Variants in TMEM185A observed in about 807,000 individuals in gnomAD.
TMEM185A encodes family with sequence similarity 11, member A.
In TMEM185A, 9 loss-of-function variants were observed where a neutral mutation model predicts 25.0. The ratio of observed to expected loss-of-function variants is 0.36; its 90% confidence interval spans 0.22 to 0.63. The LOEUF is 0.63. Ranked by LOEUF, TMEM185A falls within the 20% of genes least tolerant of loss-of-function variation. The probability of loss-of-function intolerance (pLI) is 0.68; values close to 1 mark genes in which losing one functional copy is unlikely to be tolerated. For synonymous variants in TMEM185A, 45 were observed against 93.5 expected (o/e 0.48, Z 2.99); for missense variants, 103 against 237.4 (o/e 0.43, Z 3.72).
intron 1 of TMEM185A, among the ~76,000 whole-genome samples, chrX:149,622,155 C>G (rs782775927): frequency 5.4e-4 from 61 of 112,076 alleles, no homozygotes; most frequent in Non-Finnish European, 8.1e-4. Context: ...AGGTTTAGCA[C>G]GCCTGGATGA....
At chrX:149,607,957 G>GA (rs2090061124) in intron 3 of TMEM185A, among the ~76,000 whole-genome samples, 1 of 111,830 alleles carries the variant, frequency 8.9e-6, no homozygotes, top group African/African-American at 3.3e-5. Context: ...TCCTGGAGAG[G>GA]AAAAAATTCT....
At chrX:149,605,824 G>T (rs1361254495) in intron 3 of TMEM185A, among the ~76,000 whole-genome samples, 1 of 111,592 alleles carries the variant, frequency 9.0e-6, no homozygotes, top group Non-Finnish European at 1.9e-5. Context: ...CAGCCCAAAC[G>T]CCCTGCAGGC....
At chrX:149,618,337 A>C (rs1406476416) in intron 1 of TMEM185A, among the ~76,000 whole-genome samples, 6 of 111,203 alleles carry the variant, frequency 5.4e-5, no homozygotes, top group Admixed American at 1.9e-4. Context: ...AGAAGACTGG[A>C]CCTACAAAAT....
At chrX:149,619,377 C>A (rs1023349394) in intron 1 of TMEM185A, among the ~76,000 whole-genome samples, 92 of 111,609 alleles carry the variant, frequency 8.2e-4, no homozygotes, top group African/African-American at 2.7e-3. Flanking sequence ...CATGAAAGAT[C>A]AAATTTTACC....
chrX:149,609,755 C>T lies in TMEM185A; in HGVS notation c.216-921G>A, dbSNP rs146565779. Among the ~76,000 whole-genome samples the T allele has an allele frequency of 3.8e-3, 428 of 112,395 alleles. 6 individuals carry two copies. The highest frequency in any genetic ancestry group is 0.013 in the African/African-American group (413 of 30,924). On this transcript the variant is annotated intron_variant, in intron 2 of 6. Transcript: ENST00000600449. ...GTTAATGTTAACATGAGAATGACCA[C>T]GCCTGTACATTCCTTACATTCAACC... is the stretch of plus-strand genomic sequence containing the variant.
intron 1 of TMEM185A, among the ~76,000 whole-genome samples, chrX:149,623,843 C>T (rs188577828): frequency 3.2e-4 from 36 of 112,226 alleles, no homozygotes; most frequent in African/African-American, 1.2e-3. Flanking sequence ...GTAATTCATA[C>T]ACACTCCTAG....
chrX:149,631,735 T>TCGCCGCCGTCGCCGCCGCCGCCGC lies in TMEM185A; in HGVS notation c.-156_-155insGCGGCGGCGGCGGCGACGGCGGCG, dbSNP rs2090197590. 1 of 327,457 alleles carries TCGCCGCCGTCGCCGCCGCCGCCGC rather than the reference T, an allele frequency of 3.1e-6. No individual in the cohort carries two copies. The highest frequency in any genetic ancestry group is 4.9e-6 in the Non-Finnish European group (1 of 204,604). 27.0% of individuals were successfully genotyped at this position (327,457 alleles called of 1,213,427 possible). ...GTCCCCGCTGCCGTCGCCGTCGCCGTCGCCGCCGCCGCCGCCGCCGCCGCC... is the reference window on the plus strand; with the variant it reads ...GTCCCCGCTGCCGTCGCCGTCGCCGTCGCCGCCGTCGCCGCCGCCGCCGCCGCCGCCGCCGCCGCCGCCGCCGCC... On this transcript the variant is annotated 5_prime_UTR_variant, in exon 1 of 7. Transcript: ENST00000600449.
At chrX:149,611,235 A>C in intron 2 of TMEM185A, 52 bp downstream of exon 2, 1 of 1,105,245 alleles carries the variant, frequency 9.0e-7, no homozygotes, top group Non-Finnish European at 1.2e-6. Flanking sequence ...AGAAAAGTCA[A>C]GATATTGCTC....
At chrX:149,622,752 T>C (rs930491686) in intron 1 of TMEM185A, among the ~76,000 whole-genome samples, 1 of 112,153 alleles carries the variant, frequency 8.9e-6, no homozygotes, top group Non-Finnish European at 1.9e-5. Flanking sequence ...TAACTACATA[T>C]GGTAAACTAG....
At chrX:149,618,258 G>A (rs139258462) in intron 1 of TMEM185A, among the ~76,000 whole-genome samples, 313 of 111,363 alleles carry the variant, frequency 2.8e-3, no homozygotes, top group African/African-American at 9.7e-3. Flanking sequence ...TGTAAGGTAC[G>A]TGTACTGTTT....
intron 1 of TMEM185A, among the ~76,000 whole-genome samples, chrX:149,618,225 T>C (rs893403961): frequency 8.9e-6 from 1 of 111,842 alleles, no homozygotes; most frequent in Non-Finnish European, 1.9e-5. Flanking sequence ...TTATACTCTT[T>C]TGCTTATGAT....
At position 149,631,323 on chromosome X, in the gene TMEM185A, G is replaced by C. The variant is rs976897126; in HGVS notation, c.38+220C>G. Among the ~76,000 whole-genome samples the C allele has an allele frequency of 1.4e-4, 15 of 111,084 alleles. No homozygotes were observed. The East Asian group carries it at 4.4e-3, about 32-fold the overall frequency. On this transcript the variant is annotated intron_variant, in intron 1 of 6. Transcript: ENST00000600449. Reference sequence around the variant, plus strand: ...CGGCCGGGCCCTTCCGGCCGTGGCCGGGCAGGGGCTGAAAGCACCGGGCAC... The same window carrying C: ...CGGCCGGGCCCTTCCGGCCGTGGCCCGGCAGGGGCTGAAAGCACCGGGCAC...
chrX:149,605,982 G>A (rs2124205507), intron 3 of TMEM185A, among the ~76,000 whole-genome samples: 1 of 112,475 alleles, frequency 8.9e-6, no homozygotes, highest in African/African-American at 3.2e-5. Flanking sequence ...AATCCCTAAT[G>A]TGGCTGGGAA....
At position 149,611,461 on chromosome X, in the gene TMEM185A, TTAC is replaced by T; in HGVS notation, c.39-1_40del. On this transcript the variant is annotated splice_acceptor_variant and coding_sequence_variant, in exon 2 of 7. Coordinates refer to ENST00000600449, the MANE Select transcript of TMEM185A (RefSeq NM_032508.4). LOFTEE classifies it high-confidence loss of function. Reference sequence around the variant, plus strand: ...CAGCAGACAGGCATAGATGAGGAATTTACTAGGAGAAAAGTAAAACGATTAAGA... The same window carrying T: ...CAGCAGACAGGCATAGATGAGGAATTTAGGAGAAAAGTAAAACGATTAAGA... 1 of 1,187,289 alleles carries T rather than the reference TTAC, an allele frequency of 8.4e-7. No individual in the cohort carries two copies. The highest frequency in any genetic ancestry group is 1.1e-6 in the Non-Finnish European group (1 of 885,952).
chrX:149,601,402 C>T lies in TMEM185A; in HGVS notation c.508-923G>A, dbSNP rs1445999741. The T allele has an allele frequency of 2.0e-4, 20 of 98,495 alleles. 5 individuals are homozygous for T. Among genetic ancestry groups the T allele is most frequent in the African/African-American group, 9.0e-4 (19 of 21,147 alleles). The allele number at this position is 98,495 out of a possible 1,213,427, so 8.1% of individuals were successfully genotyped here. ...AGGTCTGTCACCCTGCAAAACTCTCCGTGCTGTCCCTTCACTATCACACCG... is the reference window on the plus strand; with the variant it reads ...AGGTCTGTCACCCTGCAAAACTCTCTGTGCTGTCCCTTCACTATCACACCG... On this transcript the variant is annotated intron_variant, in intron 4 of 6. Coordinates refer to ENST00000600449, the MANE Select transcript of TMEM185A (RefSeq NM_032508.4).
chrX:149,618,816 T>A (rs1557355289), intron 1 of TMEM185A, among the ~76,000 whole-genome samples: 1 of 112,041 alleles, frequency 8.9e-6, no homozygotes, highest in Non-Finnish European at 1.9e-5. Context: ...GTAGCGACAC[T>A]GTTTCTACAG....
intron 1 of TMEM185A, among the ~76,000 whole-genome samples, chrX:149,625,852 T>C (rs1557355970): frequency 1.8e-5 from 2 of 112,435 alleles, no homozygotes; most frequent in Non-Finnish European, 3.8e-5. Flanking sequence ...ACAACACTCA[T>C]TTGGATGTAT....
chrX:149,613,033 A>T (rs2090092476), intron 1 of TMEM185A, among the ~76,000 whole-genome samples: 1 of 111,860 alleles, frequency 8.9e-6, no homozygotes. Context: ...GATGAAACTG[A>T]GTCCACCTGG....
chrX:149,631,556 C>A lies in TMEM185A; in HGVS notation c.25G>T (p.Asp9Tyr). ...ACGCCGCCTCACCTCGGGTTGAAGT[C>A]CTGGAAGAGGCCCCTCAGGTTCATG... MNLRGLFQ[D>Y]FNPSKFLIYA... is the part of the protein sequence containing the mutation. Residue 9 changes from aspartate (D) to tyrosine (Y), a missense_variant, in exon 1 of 7, where the codon GAC (aspartate) becomes TAC (tyrosine). Asp to Tyr is a radical substitution (Grantham distance 160, BLOSUM62 -3). Coordinates refer to ENST00000600449, the MANE Select transcript of TMEM185A (RefSeq NM_032508.4). 8.5e-6 allele frequency: 10 copies of A among 1,172,178 alleles called. No homozygotes were observed. The highest frequency in any genetic ancestry group is 1.0e-5 in the Non-Finnish European group (9 of 875,481).
Sources: allele counts gnomAD v4.1 joint callset (sites outside exome capture counted in the v4.1 genomes callset), GRCh38; gene constraint gnomAD v4.1.1; transcripts MANE v1.5; gene names NCBI Gene and HGNC (gene_info 2026-07-23, HGNC 2026-07-21).